The following PHC2 variants were observed in gnomAD, a reference collection of about 807,000 sequenced individuals.
PHC2 encodes the protein polyhomeotic homolog 2.
PHC2 carries 29 observed loss-of-function variants against 87.4 expected under a neutral mutation model. That is an observed-to-expected ratio of 0.33 (90% CI 0.25 to 0.45). The LOEUF (loss-of-function observed/expected upper bound fraction) is 0.45, where lower values mean the gene tolerates loss of function less well. PHC2 is among the 20% of genes least tolerant of loss of function. The pLI is 1.00. For missense variants in PHC2, 857 were observed against 1,136.7 expected, an observed-to-expected ratio of 0.75 and a Z score of 3.54; for synonymous variants, 438 against 461.7, an observed-to-expected ratio of 0.95 and a Z score of 0.66.
intron 9 of PHC2, chr1:33,346,870 A>T (rs1646854080): frequency 1.0e-6 from 1 of 985,314 alleles, no homozygotes; most frequent in Non-Finnish European, 1.2e-6. Context: ...CGAGCACACC[A>T]GTAGGGGTTC....
chr1:33,333,600 C>G (rs554451372), intron 10 of PHC2: 1 of 166,578 alleles, frequency 6.0e-6, no homozygotes, highest in Non-Finnish European at 1.3e-5. Context: ...AGGCTCTGTC[C>G]CCAGAAAACA....
At chr1:33,326,602 A>G (rs1233030384) in intron 14 of PHC2, among the ~76,000 whole-genome samples, 2 of 152,248 alleles carry the variant, frequency 1.3e-5, no homozygotes, top group Non-Finnish European at 2.9e-5. Context: ...AATGGACCCC[A>G]ACAAGATTCC....
chr1:33,425,619 G>T (rs56953866), intron 1 of PHC2, among the ~76,000 whole-genome samples: 2 of 152,166 alleles, frequency 1.3e-5, no homozygotes, highest in African/African-American at 4.8e-5. Context: ...CCTTCTGAGA[G>T]GTAATGCTTG....
At chr1:33,374,258 T>G (rs1570496556) in intron 2 of PHC2, among the ~76,000 whole-genome samples, 1 of 152,182 alleles carries the variant, frequency 6.6e-6, no homozygotes, top group East Asian at 1.9e-4. Context: ...CATGCAACCT[T>G]GGGTGATTCC....
At chr1:33,406,814 T>C (rs1406804455) in intron 1 of PHC2, among the ~76,000 whole-genome samples, 1 of 152,208 alleles carries the variant, frequency 6.6e-6, no homozygotes, top group Non-Finnish European at 1.5e-5. Flanking sequence ...TGCTGTTTTT[T>C]ATCAATTAAG....
rs1369023556 is a variant in PHC2 at position 33,364,404 on chromosome 1, A to T, written c.976+2712T>A. Reference sequence around the variant, plus strand: ...CACACTTGCTTTCACACACACACACACACACACACACACACACACACGCTC... The same window carrying T: ...CACACTTGCTTTCACACACACACACTCACACACACACACACACACACGCTC... On this transcript the variant is annotated intron_variant, in intron 7 of 14. Transcript: ENST00000683057. The surrounding 1 kb of genome is among the most constrained non-coding windows in gnomAD (Gnocchi z 4.1). Among the ~76,000 whole-genome samples the T allele has an allele frequency of 1.6e-4, 12 of 75,690 alleles. No individual in the cohort carries two copies. Among genetic ancestry groups the T allele is most frequent in the Non-Finnish European group, 3.1e-4 (12 of 38,190 alleles). The allele number at this position is 75,690 out of a possible 152,430, so 49.7% of individuals were successfully genotyped here. A position where few individuals can be genotyped will look rare whatever the true frequency, so the allele number is the denominator to read the frequency against.
chr1:33,345,700 CT>C (rs1646832731), intron 9 of PHC2: 1 of 984,618 alleles, frequency 1.0e-6, no homozygotes, highest in Middle Eastern at 5.2e-4. Flanking sequence ...TTATACTGGA[CT>C]TTTGTTACTG....
chr1:33,346,458 C>T, intron 9 of PHC2: 1 of 984,176 alleles, frequency 1.0e-6, no homozygotes, highest in Non-Finnish European at 1.2e-6. Flanking sequence ...CTCTCGTCTC[C>T]AGTAGGTGTC....
chr1:33,345,481 A>G (rs1451934058), intron 9 of PHC2: 1 of 895,402 alleles, frequency 1.1e-6, no homozygotes, highest in African/African-American at 1.8e-5. Context: ...TTCACTAACT[A>G]TAAAAATAAT....
rs144731631 is a variant in PHC2, at chr1:33,371,968, A to G, written c.333+321T>C. ...CAATGGGCAGACAAGCTAAACAGGC[A>G]GTGCCCTTCGTTCACGAACGCTTCC... On this transcript the variant is annotated intron_variant, in intron 3 of 14. Transcript: ENST00000683057. Among the ~76,000 whole-genome samples the G allele has an allele frequency of 4.5e-4, 68 of 152,388 alleles. 1 individual carries two copies. The highest frequency in any genetic ancestry group is 1.6e-3 in the African/African-American group (66 of 41,598).
intron 7 of PHC2, among the ~76,000 whole-genome samples, chr1:33,356,255 A>ATATATATATATATATATGTG (rs1297326562): frequency 6.2e-5 from 5 of 80,820 alleles, no homozygotes; most frequent in Non-Finnish European, 1.0e-4. Context: ...ATTCTTATAT[A>ATATATATATATATATATGTG]TATATATATA....
chr1:33,390,028 T>C (rs1457325129), intron 1 of PHC2, among the ~76,000 whole-genome samples: 4 of 152,252 alleles, frequency 2.6e-5, no homozygotes, highest in South Asian at 2.1e-4. Context: ...TATAAGAAGA[T>C]AGATTTCAAC....
rs1244646360 is a variant in PHC2 at position 33,349,980 on chromosome 1, G to A, written c.1558+4421C>T. The A allele has an allele frequency of 3.3e-6, 1 of 300,170 alleles. No individual in the cohort carries two copies. Among genetic ancestry groups the A allele is most frequent in the East Asian group, 1.7e-4 (1 of 5,750 alleles). 18.6% of individuals were successfully genotyped at this position (300,170 alleles called of 1,614,324 possible). A position where few individuals can be genotyped will look rare whatever the true frequency, so the allele number is the denominator to read the frequency against. On this transcript the variant is annotated intron_variant, in intron 9 of 14. Coordinates refer to ENST00000683057, the MANE Select transcript of PHC2 (RefSeq NM_001385109.1). The surrounding 1 kb of genome is among the most constrained non-coding windows in gnomAD (Gnocchi z 4.2). ...GGGGCGGGGAGGGGCGGGGCCGCGG[G>A]AGGGGCGGGGCGGACACGGGCCGCG...
chr1:33,375,365 C>T lies in PHC2; in HGVS notation c.174+1G>A, dbSNP rs779608989. On this transcript the variant is annotated splice_donor_variant, in intron 2 of 14. Transcript: ENST00000683057. LOFTEE classifies it high-confidence loss of function. ...AATTCCCAGATCAATTAGACTCTTA[C>T]CTGCACGGTCTGCCGGTCTGGAATA... 1 of 1,569,258 alleles carries T rather than the reference C, an allele frequency of 6.4e-7. No individual in the cohort carries two copies. The highest frequency in any genetic ancestry group is 8.7e-7 in the Non-Finnish European group (1 of 1,155,924).
chr1:33,420,546 CTA>C (rs1024511573), intron 1 of PHC2, among the ~76,000 whole-genome samples: 21 of 152,288 alleles, frequency 1.4e-4, no homozygotes, highest in African/African-American at 5.1e-4. Flanking sequence ...AACTTCCATT[CTA>C]GAGTCAGTCC....
chr1:33,343,584 C>CA (rs1331473352), intron 9 of PHC2, among the ~76,000 whole-genome samples: 5 of 151,458 alleles, frequency 3.3e-5, no homozygotes, highest in African/African-American at 1.2e-4. Flanking sequence ...ATCTGTCTTA[C>CA]ATATAGCTGT....
intron 1 of PHC2, among the ~76,000 whole-genome samples, chr1:33,389,250 C>A (rs1263597850): frequency 6.6e-6 from 1 of 152,046 alleles, no homozygotes; most frequent in Non-Finnish European, 1.5e-5. Flanking sequence ...CCACGCAACT[C>A]CAAGCTCTGT....
rs185863630 is a variant in PHC2 at position 33,389,338 on chromosome 1, C to T, written c.-54-13745G>A. ...TCTTGGGGATATTGTTCATGCAATG[C>T]TTCATCAGTTCTCAGGGTGTTTGGA... On this transcript the variant is annotated intron_variant, in intron 1 of 14. Transcript: ENST00000683057. Among the ~76,000 whole-genome samples the T allele has an allele frequency of 4.6e-5, 7 of 152,094 alleles. No individual in the cohort carries two copies. The East Asian group carries it at 1.4e-3, about 29-fold the overall frequency.
At chr1:33,417,765 C>T (rs1405563616) in intron 1 of PHC2, among the ~76,000 whole-genome samples, 1 of 152,076 alleles carries the variant, frequency 6.6e-6, no homozygotes, top group Non-Finnish European at 1.5e-5. Flanking sequence ...TTGAACAACA[C>T]TACAAACCTA....
Sources: allele counts gnomAD v4.1 joint callset (sites outside exome capture counted in the v4.1 genomes callset), GRCh38; gene constraint gnomAD v4.1.1; non-coding constraint Gnocchi (gnomAD v3.1); transcripts MANE v1.5; gene names NCBI Gene and HGNC (gene_info 2026-07-23, HGNC 2026-07-21).